CAPN3: variants seen among roughly 807,000 people sequenced by gnomAD.
CAPN3 encodes the protein calpain 3.
In CAPN3, 88 loss-of-function variants were observed where a neutral mutation model predicts 114.0. The observed-to-expected ratio is 0.77, with a 90% CI of 0.65 to 0.92. CAPN3 has a LOEUF of 0.92. CAPN3 is among the 40% of genes least tolerant of loss of function. The pLI, the probability that CAPN3 is intolerant of heterozygous loss-of-function variation, is 0.00. For synonymous variants in CAPN3, 386 were observed against 382.9 expected (o/e 1.01, Z -0.09); for missense variants, 1,028 against 1,069.0 (o/e 0.96, Z 0.53).
intron 16 of CAPN3, chr15:42,408,725 C>T (rs573778597): frequency 2.8e-6 from 1 of 354,310 alleles, no homozygotes; most frequent in South Asian, 2.2e-5. Flanking sequence ...GAAATGGGGT[C>T]CTCTAGAGCT....
chr15:42,405,224 T>C (rs554308866), intron 14 of CAPN3, among the ~76,000 whole-genome samples: 1 of 152,200 alleles, frequency 6.6e-6, no homozygotes, highest in Admixed American at 6.5e-5. Context: ...TAAAAAATAT[T>C]CTGTAAGTCA....
In CAPN3 at chr15:42,411,946, C is replaced by G. The variant is rs945110364; in HGVS notation, c.*173C>G. ...TACCCCCTACCCATCCTTGATCGGT[C>G]ATGCCTAGCCTGACCCTTTAGTAAA... On this transcript the variant is annotated 3_prime_UTR_variant, in exon 24 of 24. Coordinates refer to ENST00000397163, the MANE Select transcript of CAPN3 (RefSeq NM_000070.3). 2.9e-5 allele frequency: 45 copies of G among 1,528,688 alleles called. No individual in the cohort carries two copies. In the East Asian group the frequency reaches 1.1e-3, roughly 37 times the overall value. 94.7% of individuals were successfully genotyped at this position (1,528,688 alleles called of 1,614,324 possible). A position where few individuals can be genotyped will look rare whatever the true frequency, so the allele number is the denominator to read the frequency against.
intron 1 of CAPN3, among the ~76,000 whole-genome samples, chr15:42,379,628 C>A (rs1230124683): frequency 3.9e-5 from 6 of 152,150 alleles, no homozygotes; most frequent in African/African-American, 1.4e-4. Flanking sequence ...GTTAGGTGCA[C>A]ACACATTTAA....
At position 42,412,082 on chromosome 15, in the gene CAPN3, C is replaced by T. The variant is rs989557904; in HGVS notation, c.*309C>T. 2 of 1,534,586 alleles carry T rather than the reference C, an allele frequency of 1.3e-6. No individual in the cohort carries two copies. The highest frequency in any genetic ancestry group is 1.7e-6 in the Non-Finnish European group (2 of 1,146,332). ...AGCGAGTGCTCCTGCTTACCTTGCTCTAGGCTGTCTGCAGAAGCACCTGCC... is the reference window on the plus strand; with the variant it reads ...AGCGAGTGCTCCTGCTTACCTTGCTTTAGGCTGTCTGCAGAAGCACCTGCC... On this transcript the variant is annotated 3_prime_UTR_variant, in exon 24 of 24. Coordinates refer to ENST00000397163, the MANE Select transcript of CAPN3 (RefSeq NM_000070.3).
chr15:42,386,621 C>G (rs1308617421), intron 3 of CAPN3, among the ~76,000 whole-genome samples: 5 of 152,114 alleles, frequency 3.3e-5, no homozygotes, highest in Non-Finnish European at 7.4e-5. Context: ...ACTGTGACAC[C>G]ACAGGACCCT....
At chr15:42,360,985 G>A (rs2052628028) in intron 1 of CAPN3, among the ~76,000 whole-genome samples, 2 of 152,216 alleles carry the variant, frequency 1.3e-5, no homozygotes, top group Admixed American at 1.3e-4. Flanking sequence ...AATTCCAGCT[G>A]TCTTGGAACC....
At chr15:42,411,531 CT>C (rs2054234624) in intron 23 of CAPN3, among the ~76,000 whole-genome samples, 186 bp downstream of exon 23, 1 of 152,028 alleles carries the variant, frequency 6.6e-6, no homozygotes, top group Non-Finnish European at 1.5e-5. Flanking sequence ...CCAAAAGGAC[CT>C]CTGCTCCCCC....
chr15:42,360,251 A>C, intron 1 of CAPN3, 137 bp downstream of exon 1: 1 of 951,340 alleles, frequency 1.1e-6, no homozygotes, highest in Non-Finnish European at 1.7e-6. Context: ...CTCTGTCTTT[A>C]AGTGTGAAGC....
Position 42,389,075 on chromosome 15 carries a change from C to T in CAPN3, c.780C>T (p.Ser260=). 6.2e-7 allele frequency: 1 copy of T among 1,614,024 alleles called. No homozygotes were observed. Among genetic ancestry groups the T allele is most frequent in the Non-Finnish European group, 8.5e-7 (1 of 1,180,010 alleles). ...TGAAGAAAGCCATCGAGAGAGGCTC[C>T]CTCATGGGCTGCTCCATTGATGTAA... ...KIMKKAIERG[S]LMGCSIDDGT... The change falls in exon 5 of 24, where the codon TCC becomes TCT. Residue 260 remains serine, a synonymous_variant. Transcript: ENST00000397163.
At chr15:42,363,758 T>C (rs893342472) in intron 1 of CAPN3, among the ~76,000 whole-genome samples, 1 of 152,210 alleles carries the variant, frequency 6.6e-6, no homozygotes, top group African/African-American at 2.4e-5. Flanking sequence ...TGTTAATTCA[T>C]TTAATCTTCA....
chr15:42,387,649 GATGCTGCTTT>G, intron 3 of CAPN3, 94 bp from the exon 4 acceptor site: 1 of 1,403,788 alleles, frequency 7.1e-7, no homozygotes, highest in Non-Finnish European at 1.0e-6. Flanking sequence ...TCCAGGAAAT[GATGCTGCTTT>G]GGGATTCAAG....
At chr15:42,386,735 A>T (rs2053418227) in intron 3 of CAPN3, among the ~76,000 whole-genome samples, 1 of 152,190 alleles carries the variant, frequency 6.6e-6, no homozygotes, top group African/African-American at 2.4e-5. Flanking sequence ...CCCTGGAAGA[A>T]GAGTCTGCTT....
chr15:42,404,682 G>A, intron 14 of CAPN3: 2 of 1,185,458 alleles, frequency 1.7e-6, no homozygotes, highest in Non-Finnish European at 2.1e-6. Flanking sequence ...TTGGGCTGTA[G>A]TCAGCTGACA....
intron 2 of CAPN3, 50 bp downstream of exon 2, chr15:42,384,602 A>G (rs370412377): frequency 2.0e-4 from 276 of 1,346,736 alleles, no homozygotes; most frequent in Admixed American, 2.2e-4. Context: ...AGGGGTGATT[A>G]CAAGGTGTGA....
At position 42,408,207 on chromosome 15, in the gene CAPN3, C is replaced by T; in HGVS notation, c.1801-4C>T. On this transcript the variant is annotated splice_region_variant and splice_polypyrimidine_tract_variant and intron_variant, in intron 15 of 23. Transcript: ENST00000397163. Reference sequence around the variant, plus strand: ...CCTTCCTGCCTCCTCCCTCCTCTCTCCAGCCCATCATCTTCGTTTCGGACA... The same window carrying T: ...CCTTCCTGCCTCCTCCCTCCTCTCTTCAGCCCATCATCTTCGTTTCGGACA... 6.2e-7 allele frequency: 1 copy of T among 1,607,302 alleles called. No homozygotes were observed. The highest frequency in any genetic ancestry group is 8.5e-7 in the Non-Finnish European group (1 of 1,174,552).
chr15:42,395,251 G>T (rs565852047), intron 8 of CAPN3, among the ~76,000 whole-genome samples: 1 of 152,304 alleles, frequency 6.6e-6, no homozygotes, highest in Admixed American at 6.5e-5. Flanking sequence ...TGATCCTCAT[G>T]TCCTGACTGC....
At chr15:42,408,396 G>A in intron 16 of CAPN3, 72 bp downstream of exon 16, 3 of 906,396 alleles carry the variant, frequency 3.3e-6, no homozygotes, top group Admixed American at 3.7e-5. Context: ...GGGATACACA[G>A]GGGCTGGAGG....
rs963600414 is a variant in CAPN3, at chr15:42,409,817, A to G, written c.2023A>G (p.Lys675Glu). 5 of 1,565,666 alleles carry G rather than the reference A, an allele frequency of 3.2e-6. No individual in the cohort carries two copies. The highest frequency in any genetic ancestry group is 1.4e-5 in the African/African-American group (1 of 71,206). Residue 675 changes from lysine (K) to glutamate (E), a missense_variant, in exon 18 of 24, where the codon AAG becomes GAG. Transcript: ENST00000397163. ...GGAGATCTGTGCAGATGAGCTCAAG[A>G]AGGTCCTTAACACAGTCGTGAACAA... is the stretch of plus-strand genomic sequence containing the variant. ...DMEICADELKKVLNTVVNKHK... is the reference protein window; with the variant it reads ...DMEICADELKEVLNTVVNKHK...
chr15:42,386,138 C>T (rs770055574), intron 2 of CAPN3, 29 bp from the exon 3 acceptor site: 15 of 1,509,518 alleles, frequency 9.9e-6, no homozygotes, highest in Admixed American at 1.7e-5. Flanking sequence ...CAGGAGTGCT[C>T]ACGATCTGTG....
Sources: allele counts gnomAD v4.1 joint callset (sites outside exome capture counted in the v4.1 genomes callset), GRCh38; gene constraint gnomAD v4.1.1; transcripts MANE v1.5; gene names NCBI Gene and HGNC (gene_info 2026-07-23, HGNC 2026-07-21).